The following TMEM243 variants were observed in gnomAD, a reference collection of about 807,000 sequenced individuals.
TMEM243 encodes the protein transmembrane protein 243, also known as MDR1 and mitochondrial taxol resistance associated.
TMEM243 carries 20 observed loss-of-function variants against 15.0 expected under a neutral mutation model. That is an observed-to-expected ratio of 1.33 (90% CI 0.94 to 1.93). The LOEUF is 1.93. TMEM243 is among the 30% of genes most tolerant of loss of function. The probability of loss-of-function intolerance (pLI) is 0.00; values close to 1 mark genes in which losing one functional copy is unlikely to be tolerated. For missense variants in TMEM243, 156 were observed against 142.1 expected, an observed-to-expected ratio of 1.10 and a Z score of -0.50; for synonymous variants, 72 against 52.7, an observed-to-expected ratio of 1.37 and a Z score of -1.59.
intron 1 of TMEM243, chr7:87,216,873 T>TA (rs1468788256): frequency 6.6e-6 from 1 of 152,182 alleles, no homozygotes; most frequent in East Asian, 1.9e-4. Context: ...GAAAGGGAGT[T>TA]AGTGAAGCAT....
At chr7:87,217,931 C>T (rs1221500352) in intron 1 of TMEM243, among the ~76,000 whole-genome samples, 1 of 152,256 alleles carries the variant, frequency 6.6e-6, no homozygotes, top group Non-Finnish European at 1.5e-5. Context: ...TACACCAAGT[C>T]ATCTACCTCT....
chr7:87,219,476 C>A lies in TMEM243; in HGVS notation c.28G>T (p.Gly10Cys), dbSNP rs1349957014. 1.2e-6 allele frequency: 2 copies of A among 1,614,134 alleles called. No homozygotes were observed. Among genetic ancestry groups the A allele is most frequent in the Non-Finnish European group, 1.7e-6 (2 of 1,180,042 alleles). The change falls in exon 1 of 4, where the codon GGC becomes TGC. Residue 10 changes from glycine to cysteine, a missense_variant. Gly to Cys is a radical substitution (Grantham distance 159, BLOSUM62 -3). Transcript: ENST00000257637. MEDFATRTYGTSGLDNRPLF... is the reference protein window; with the variant it reads MEDFATRTYCTSGLDNRPLF... Reference sequence around the variant, plus strand: ...GGTCTGTTGTCCAGGCCACTGGTGCCGTAGGTCCTGGTAGCAAAGTCCTCC... The same window carrying A: ...GGTCTGTTGTCCAGGCCACTGGTGCAGTAGGTCCTGGTAGCAAAGTCCTCC...
chr7:87,213,954 ATAT>A (rs1475422027), intron 1 of TMEM243, among the ~76,000 whole-genome samples: 1 of 152,164 alleles, frequency 6.6e-6, no homozygotes, highest in Non-Finnish European at 1.5e-5. Flanking sequence ...CATTGACTTT[ATAT>A]ATCACATCCA....
At chr7:87,199,405 G>C (rs1562876926) in intron 1 of TMEM243, 1 of 219,482 alleles carries the variant, frequency 4.6e-6, no homozygotes, top group Non-Finnish European at 9.0e-6. Context: ...GAATGGCCAG[G>C]CCAGAGCATT....
At chr7:87,219,202 CTGAACTTTT>C (rs1047054750) in intron 1 of TMEM243, among the ~76,000 whole-genome samples, 2 of 152,168 alleles carry the variant, frequency 1.3e-5, no homozygotes, top group African/African-American at 4.8e-5. Flanking sequence ...CCCGAACTTT[CTGAACTTTT>C]CTCCACTCCA....
chr7:87,204,628 C>T (rs1433686304), intron 1 of TMEM243, among the ~76,000 whole-genome samples: 5 of 152,244 alleles, frequency 3.3e-5, no homozygotes, highest in African/African-American at 9.6e-5. Flanking sequence ...CAATGTCTCA[C>T]ATCCAGGTCA....
chr7:87,199,295 A>G, intron 1 of TMEM243: 2 of 428,820 alleles, frequency 4.7e-6, no homozygotes, highest in Non-Finnish European at 8.3e-6. Flanking sequence ...TTTATACTAG[A>G]GTCTTGATTG....
chr7:87,220,335 C>G (rs1171877507), upstream of TMEM243: 2 of 152,574 alleles, frequency 1.3e-5, no homozygotes, highest in African/African-American at 4.8e-5. Context: ...TCGGCCCTGC[C>G]CATATTGGTC....
chr7:87,217,725 T>A (rs1211429995), intron 1 of TMEM243, among the ~76,000 whole-genome samples: 1 of 152,240 alleles, frequency 6.6e-6, no homozygotes, highest in African/African-American at 2.4e-5. Context: ...CCCTAAAGTT[T>A]CCTAAATAAT....
chr7:87,205,485 T>G (rs1392160021), intron 1 of TMEM243, among the ~76,000 whole-genome samples: 1 of 152,186 alleles, frequency 6.6e-6, no homozygotes, highest in East Asian at 1.9e-4. Context: ...TAACAGCACC[T>G]AAGTCACCTC....
chr7:87,200,269 C>A (rs1011472793), intron 1 of TMEM243, among the ~76,000 whole-genome samples: 1 of 152,176 alleles, frequency 6.6e-6, no homozygotes, highest in Non-Finnish European at 1.5e-5. Context: ...CACACCCTAA[C>A]TCCAGAGGAC....
At chr7:87,196,978 T>A (rs904399783) in intron 3 of TMEM243, among the ~76,000 whole-genome samples, 7 of 152,024 alleles carry the variant, frequency 4.6e-5, no homozygotes, top group Admixed American at 3.9e-4. Context: ...CAGTTTACTT[T>A]CCTCTATATT....
intron 1 of TMEM243, among the ~76,000 whole-genome samples, chr7:87,216,036 C>T (rs1033750308): frequency 1.3e-5 from 2 of 151,768 alleles, no homozygotes; most frequent in East Asian, 1.9e-4. Flanking sequence ...TTTGGGAGGC[C>T]GAGGCGGGCA....
intron 1 of TMEM243, among the ~76,000 whole-genome samples, chr7:87,205,341 A>ATT (rs555923491): frequency 0.011 from 1,538 of 142,388 alleles, 26 homozygotes; most frequent in African/African-American, 0.037. Context: ...TCTCCTCAGG[A>ATT]TTTTTTTTTT....
chr7:87,205,528 C>T (rs946931248), intron 1 of TMEM243, among the ~76,000 whole-genome samples: 2 of 152,130 alleles, frequency 1.3e-5, no homozygotes, highest in Non-Finnish European at 2.9e-5. Flanking sequence ...ATTTCTTCTG[C>T]CAGATACCCT....
intron 2 of TMEM243, 68 bp downstream of exon 2, chr7:87,198,939 A>T (rs1801583526): frequency 7.3e-7 from 1 of 1,378,554 alleles, no homozygotes; most frequent in Non-Finnish European, 9.8e-7. Flanking sequence ...TTGGAAAGTT[A>T]ACCATAATTG....
chr7:87,213,881 G>A (rs1264363982), intron 1 of TMEM243, among the ~76,000 whole-genome samples: 1 of 152,012 alleles, frequency 6.6e-6, no homozygotes, highest in Non-Finnish European at 1.5e-5. Flanking sequence ...CCCCTCCACA[G>A]AGGGCCTCCC....
intron 1 of TMEM243, chr7:87,216,855 C>G (rs189021581): frequency 6.6e-6 from 1 of 152,314 alleles, no homozygotes; most frequent in East Asian, 1.9e-4. Flanking sequence ...CTTCACTATT[C>G]AACTCATGAA....
chr7:87,216,506 T>C (rs1803133815), intron 1 of TMEM243, among the ~76,000 whole-genome samples: 2 of 152,140 alleles, frequency 1.3e-5, no homozygotes, highest in African/African-American at 4.8e-5. Flanking sequence ...ACTTTGCCTT[T>C]CTCTCCATGA....
Sources: gnomAD v4.1 joint callset for allele counts (sites outside exome capture counted in the v4.1 genomes callset) on GRCh38, gnomAD v4.1.1 for gene constraint, MANE v1.5 for transcripts, NCBI Gene and HGNC (gene_info 2026-07-23, HGNC 2026-07-21) for gene names.